EYS: variants seen among roughly 807,000 people sequenced by gnomAD.
The protein encoded by EYS is protein eyes shut homolog.
In EYS, 250 loss-of-function variants were observed where a neutral mutation model predicts 282.1. The ratio of observed to expected loss-of-function variants is 0.89; its 90% CI spans 0.80 to 0.98. EYS has a LOEUF of 0.98. EYS is among the 50% of genes least tolerant of loss of function. EYS has a pLI of 0.00. For missense variants in EYS, 4,016 were observed against 3,709.0 expected, an observed-to-expected ratio of 1.08 and a Z score of -2.15; for synonymous variants, 1,355 against 1,282.9, an observed-to-expected ratio of 1.06 and a Z score of -1.20.
intron 36 of EYS, among the ~76,000 whole-genome samples, chr6:63,860,961 TC>T (rs1306249712): frequency 1.3e-5 from 2 of 152,204 alleles, no homozygotes; most frequent in East Asian, 3.8e-4. Context: ...CTATATTTTC[TC>T]CTTAGACAAT....
At chr6:65,570,506 T>A (rs1365263906) in intron 2 of EYS, among the ~76,000 whole-genome samples, 1 of 152,162 alleles carries the variant, frequency 6.6e-6, no homozygotes, top group Non-Finnish European at 1.5e-5. Context: ...TCACCCACTG[T>A]ATGAGTTTCA....
chr6:63,895,248 T>G (rs1581946578), intron 35 of EYS, among the ~76,000 whole-genome samples: 1 of 2,756 alleles, frequency 3.6e-4, no homozygotes, highest in Admixed American at 0.017. Flanking sequence ...ATGATTTCAT[T>G]TTTTTTTCAG....
chr6:64,084,929 A>G (rs1436363177), intron 31 of EYS, among the ~76,000 whole-genome samples: 3 of 152,060 alleles, frequency 2.0e-5, no homozygotes, highest in African/African-American at 7.2e-5. Flanking sequence ...AGTCCGTGGT[A>G]AAGACTCTTA....
chr6:63,722,987 CAG>C (rs1202542615), intron 42 of EYS, among the ~76,000 whole-genome samples: 1 of 152,194 alleles, frequency 6.6e-6, no homozygotes, highest in African/African-American at 2.4e-5. Flanking sequence ...TTTATGAGAA[CAG>C]GGTCTGTGTT....
chr6:65,685,384 T>C (rs1207323439), intron 1 of EYS, among the ~76,000 whole-genome samples: 1 of 152,060 alleles, frequency 6.6e-6, no homozygotes, highest in Non-Finnish European at 1.5e-5. Flanking sequence ...CGACATCAAA[T>C]TGAAGTTTTG....
intron 12 of EYS, among the ~76,000 whole-genome samples, chr6:65,251,483 A>G (rs1475771719): frequency 1.3e-5 from 2 of 151,908 alleles, no homozygotes; most frequent in African/African-American, 4.8e-5. Context: ...AATGAAATCT[A>G]TTTATTTGTG....
At chr6:64,920,522 T>C (rs1232738227) in intron 15 of EYS, among the ~76,000 whole-genome samples, 1 of 152,118 alleles carries the variant, frequency 6.6e-6, no homozygotes, top group Non-Finnish European at 1.5e-5. Flanking sequence ...AAAAGGATCT[T>C]TGTAGCAAGT....
At chr6:65,223,093 CTG>C (rs1766514100) in intron 12 of EYS, among the ~76,000 whole-genome samples, 1 of 152,102 alleles carries the variant, frequency 6.6e-6, no homozygotes, top group Admixed American at 6.6e-5. Flanking sequence ...TCAGAATCAA[CTG>C]TTTTAAAGCT....
chr6:65,021,601 C>T (rs2150138756), intron 13 of EYS, among the ~76,000 whole-genome samples: 1 of 152,312 alleles, frequency 6.6e-6, no homozygotes, highest in East Asian at 1.9e-4. Flanking sequence ...CATCAAAACT[C>T]TTCCAGCCTC....
At chr6:65,210,925 C>T (rs1239409593) in intron 12 of EYS, among the ~76,000 whole-genome samples, 2 of 134,294 alleles carry the variant, frequency 1.5e-5, no homozygotes, top group African/African-American at 6.1e-5. Flanking sequence ...CCTATAAAGT[C>T]GTACAAACAC....
intron 26 of EYS, among the ~76,000 whole-genome samples, chr6:64,502,226 TTTTTTGTTTTG>T (rs1481970865): frequency 9.4e-5 from 14 of 148,684 alleles, no homozygotes; most frequent in African/African-American, 3.0e-4. Context: ...GGCTGGTTTT[TTTTTTGTTTTG>T]TTTTGTTTTG....
rs187775885 is a variant in EYS, at chr6:65,384,652, G to T, written c.1185-152C>A. 27 of 568,914 alleles carry T rather than the reference G, an allele frequency of 4.7e-5. No homozygotes were observed. The East Asian group carries it at 7.6e-4, about 16-fold the overall frequency. The allele number at this position is 568,914 out of a possible 1,614,324, so 35.2% of individuals were successfully genotyped here. A position where few individuals can be genotyped will look rare whatever the true frequency, so the allele number is the denominator to read the frequency against. On this transcript the variant is annotated intron_variant, in intron 7 of 42. Transcript: ENST00000503581. Reference sequence around the variant, plus strand: ...ACATACCTGTGATCTTAGCCAAAAAGCTCCTATTTATGTATTTGGAAAGAA... The same window carrying T: ...ACATACCTGTGATCTTAGCCAAAAATCTCCTATTTATGTATTTGGAAAGAA...
At chr6:64,604,115 C>G (rs1386974642) in intron 24 of EYS, among the ~76,000 whole-genome samples, 1 of 151,820 alleles carries the variant, frequency 6.6e-6, no homozygotes, top group East Asian at 1.9e-4. Flanking sequence ...GTCTCTTTCT[C>G]TTGGTTTAGA....
chr6:64,032,754 G>A (rs1180945740), intron 33 of EYS, among the ~76,000 whole-genome samples: 6 of 152,260 alleles, frequency 3.9e-5, no homozygotes, highest in African/African-American at 1.2e-4. Flanking sequence ...GGATTATAAA[G>A]GATACTACTC....
chr6:64,116,017 C>A (rs750343004), intron 31 of EYS, among the ~76,000 whole-genome samples: 5 of 151,240 alleles, frequency 3.3e-5, no homozygotes, highest in African/African-American at 4.9e-5. Context: ...CCAACAAAAT[C>A]GGAAAAATAA....
chr6:63,792,578 TTAAGTA>T (rs1770544545), intron 37 of EYS, among the ~76,000 whole-genome samples: 1 of 151,924 alleles, frequency 6.6e-6, no homozygotes, highest in South Asian at 2.1e-4. Flanking sequence ...CCCTAGAACT[TTAAGTA>T]TAATAAAAAT....
At chr6:64,891,125 T>C (rs957064170) in intron 18 of EYS, among the ~76,000 whole-genome samples, 1 of 151,868 alleles carries the variant, frequency 6.6e-6, no homozygotes, top group Non-Finnish European at 1.5e-5. Context: ...TAGAGTCCAT[T>C]TGGACATTTT....
intron 12 of EYS, among the ~76,000 whole-genome samples, chr6:65,250,723 A>C (rs148297841): frequency 1.3e-5 from 2 of 151,972 alleles, no homozygotes; most frequent in Non-Finnish European, 2.9e-5. Context: ...ACCAAATTTG[A>C]ATATAAACCC....
intron 12 of EYS, among the ~76,000 whole-genome samples, chr6:65,166,211 T>C (rs983020603): frequency 6.6e-6 from 1 of 151,130 alleles, no homozygotes; most frequent in Non-Finnish European, 1.5e-5. Flanking sequence ...CAAGCTGATT[T>C]TTTTTAGACA....
Sources: allele counts gnomAD v4.1 joint callset (sites outside exome capture counted in the v4.1 genomes callset), GRCh38; gene constraint gnomAD v4.1.1; transcripts MANE v1.5; gene names NCBI Gene and HGNC (gene_info 2026-07-23, HGNC 2026-07-21).